Variants in SERAC1 observed in about 807,000 individuals in gnomAD.
SERAC1 encodes the protein protein SERAC1.
A neutral mutation model predicts 85.7 loss-of-function variants in SERAC1; 36 were observed. That is an observed-to-expected ratio of 0.42 (90% CI 0.32 to 0.55). The LOEUF (loss-of-function observed/expected upper bound fraction) is 0.55, where lower values mean the gene tolerates loss of function less well. Ranked by LOEUF, SERAC1 falls within the 20% of genes least tolerant of loss-of-function variation. The pLI, the probability that SERAC1 is intolerant of heterozygous loss-of-function variation, is 0.11. For missense variants in SERAC1, 629 were observed against 796.2 expected, an observed-to-expected ratio of 0.79 and a Z score of 2.53; for synonymous variants, 242 against 265.3, an observed-to-expected ratio of 0.91 and a Z score of 0.85.
At chr6:158,164,301 C>A (rs1228961399) in intron 1 of SERAC1, among the ~76,000 whole-genome samples, 2 of 151,762 alleles carry the variant, frequency 1.3e-5, no homozygotes, top group Admixed American at 6.6e-5. Flanking sequence ...CGGTGAAACC[C>A]CATCTCTACT....
At position 158,144,473 on chromosome 6, in the gene SERAC1, A is replaced by ATAAAGATTAACTG. The variant is rs533649635; in HGVS notation, c.488-66_488-54dup. 2,811 of 1,498,482 alleles carry ATAAAGATTAACTG rather than the reference A, an allele frequency of 1.9e-3. 73 individuals carry two copies. In the Admixed American group the frequency reaches 0.044, roughly 23 times the overall value. 92.8% of individuals were successfully genotyped at this position (1,498,482 alleles called of 1,614,324 possible). On this transcript the variant is annotated intron_variant, in intron 6 of 16. Coordinates refer to ENST00000647468, the MANE Select transcript of SERAC1 (RefSeq NM_032861.4). ...ATACCAAAACTAGCTGACAGATGTC[A>ATAAAGATTAACTG]TAAAGATTAACTGAACAAACAACTT...
Position 158,118,897 on chromosome 6 carries a change from A to C in SERAC1, c.1308+132T>G, listed in dbSNP as rs550453975. 8 of 1,088,950 alleles carry C rather than the reference A, an allele frequency of 7.3e-6. No individual in the cohort carries two copies. The South Asian group carries it at 1.4e-4, about 20-fold the overall frequency. 67.5% of individuals were successfully genotyped at this position (1,088,950 alleles called of 1,614,324 possible). A position where few individuals can be genotyped will look rare whatever the true frequency, so the allele number is the denominator to read the frequency against. On this transcript the variant is annotated intron_variant, in intron 12 of 16. Transcript: ENST00000647468. ...CCCAGTTGTTGTCAAAACATACTACAAATCTCCCTAAGGGAAAGAAGAACT... is the reference window on the plus strand; with the variant it reads ...CCCAGTTGTTGTCAAAACATACTACCAATCTCCCTAAGGGAAAGAAGAACT...
chr6:158,111,171 C>G lies in SERAC1; in HGVS notation c.*195G>C. ...AAGGGGCCCAATCCAGCCCTTCCTTCTGTGCCTGCCACTTCCGGGTTGGTG... is the reference window on the plus strand; with the variant it reads ...AAGGGGCCCAATCCAGCCCTTCCTTGTGTGCCTGCCACTTCCGGGTTGGTG... On this transcript the variant is annotated 3_prime_UTR_variant, in exon 17 of 17. Transcript: ENST00000647468. 1 of 433,026 alleles carries G rather than the reference C, an allele frequency of 2.3e-6. No individual in the cohort carries two copies. Among genetic ancestry groups the G allele is most frequent in the South Asian group, 5.2e-5 (1 of 19,288 alleles). The allele number at this position is 433,026 out of a possible 1,614,324, so 26.8% of individuals were successfully genotyped here. A position where few individuals can be genotyped will look rare whatever the true frequency, so the allele number is the denominator to read the frequency against.
chr6:158,154,137 G>A (rs540440761), intron 3 of SERAC1, among the ~76,000 whole-genome samples: 8 of 130,700 alleles, frequency 6.1e-5, no homozygotes, highest in Non-Finnish European at 1.1e-4. Context: ...TCTAGCCTGG[G>A]TGACAGAGGA....
Position 158,116,108 on chromosome 6 carries a change from A to AAAAT in SERAC1, c.1501+73_1501+76dup. The stretch of plus-strand genomic sequence containing the variant: ...CCGCTATTAAGTAAAATGGAAAGAT[A>AAAAT]AAATAACTTTAGGTTGGCCACAGTG... On this transcript the variant is annotated intron_variant, in intron 14 of 16. Transcript: ENST00000647468. 4.2e-6 allele frequency: 5 copies of AAAAT among 1,188,900 alleles called. No individual in the cohort carries two copies. In the Admixed American group the frequency reaches 5.3e-5, roughly 13 times the overall value. The allele number at this position is 1,188,900 out of a possible 1,614,324, so 73.6% of individuals were successfully genotyped here.
At chr6:158,163,219 A>T (rs1785524468) in intron 1 of SERAC1, among the ~76,000 whole-genome samples, 1 of 152,292 alleles carries the variant, frequency 6.6e-6, no homozygotes, top group African/African-American at 2.4e-5. Context: ...AGCAATAATA[A>T]ATGTTTGTTT....
intron 16 of SERAC1, chr6:158,113,159 A>C: frequency 2.5e-6 from 1 of 403,624 alleles, no homozygotes; most frequent in East Asian, 3.5e-5. Flanking sequence ...TAGCTGATAG[A>C]AGAGCTTTCT....
rs1784316602 is a variant in SERAC1, at chr6:158,117,452, AC to A, written c.1403+274del. ...ACTTTTACTTCTGATAGAAAAGGAG[AC>A]TGCTAGACAATCCACGATCCTTCAC... On this transcript the variant is annotated intron_variant, in intron 13 of 16. Coordinates refer to ENST00000647468, the MANE Select transcript of SERAC1 (RefSeq NM_032861.4). The surrounding 1 kb of genome is among the most constrained non-coding windows in gnomAD (Gnocchi z 4.3). 7.0e-7 allele frequency: 1 copy of A among 1,435,682 alleles called. No individual in the cohort carries two copies. The highest frequency in any genetic ancestry group is 9.4e-7 in the Non-Finnish European group (1 of 1,064,308). The allele number at this position is 1,435,682 out of a possible 1,614,324, so 88.9% of individuals were successfully genotyped here.
intron 7 of SERAC1, 121 bp from the exon 8 acceptor site, chr6:158,143,305 G>GTC (rs753181670): frequency 9.2e-4 from 560 of 606,088 alleles, no homozygotes; most frequent in South Asian, 1.7e-3. Context: ...ATGTGTGCAT[G>GTC]TCTCTCTCTC....
At chr6:158,146,338 T>C (rs1785054156) in intron 6 of SERAC1, 1 of 153,424 alleles carries the variant, frequency 6.5e-6, no homozygotes, top group South Asian at 2.0e-4. Context: ...AAATACTTTC[T>C]ATATATACTA....
At chr6:158,145,121 G>T (rs1043219088) in intron 6 of SERAC1, 6 of 152,306 alleles carry the variant, frequency 3.9e-5, no homozygotes, top group African/African-American at 9.6e-5. Flanking sequence ...GCAGGCACCT[G>T]TAACCCCAGC....
intron 6 of SERAC1, among the ~76,000 whole-genome samples, chr6:158,145,647 T>G (rs1785037982): frequency 6.6e-6 from 1 of 151,534 alleles, no homozygotes; most frequent in South Asian, 2.1e-4. Flanking sequence ...GCCTCCCAAG[T>G]AGCTGAGATT....
In SERAC1 at chr6:158,117,679, C is replaced by T. The variant is rs374444908; in HGVS notation, c.1403+48G>A. On this transcript the variant is annotated intron_variant, in intron 13 of 16. Coordinates refer to ENST00000647468, the MANE Select transcript of SERAC1 (RefSeq NM_032861.4). The surrounding 1 kb of genome is among the most constrained non-coding windows in gnomAD (Gnocchi z 4.3). ...TCCCATCCAAGAGGACCTAAACTTGCGGCCTGAATTCTTCCCTGTCCTCCT... is the reference window on the plus strand; with the variant it reads ...TCCCATCCAAGAGGACCTAAACTTGTGGCCTGAATTCTTCCCTGTCCTCCT... 65 of 1,610,326 alleles carry T rather than the reference C, an allele frequency of 4.0e-5. No homozygotes were observed. The highest frequency in any genetic ancestry group is 1.1e-4 in the African/African-American group (8 of 74,928).
At chr6:158,150,247 T>A (rs892806246) in intron 4 of SERAC1, among the ~76,000 whole-genome samples, 1 of 152,214 alleles carries the variant, frequency 6.6e-6, no homozygotes, top group Non-Finnish European at 1.5e-5. Context: ...TCACTTAATT[T>A]TAGGAGAGTT....
chr6:158,152,641 C>T (rs1785234061), intron 3 of SERAC1: 1 of 152,340 alleles, frequency 6.6e-6, no homozygotes, highest in Non-Finnish European at 1.5e-5. Context: ...GTAAGCTCCA[C>T]TCATGGTAAG....
intron 12 of SERAC1, among the ~76,000 whole-genome samples, chr6:158,118,254 T>C (rs1234068199): frequency 6.6e-6 from 1 of 152,196 alleles, no homozygotes; most frequent in African/African-American, 2.4e-5. Flanking sequence ...TCATCATCTC[T>C]GTACTTCAGT....
intron 3 of SERAC1, among the ~76,000 whole-genome samples, chr6:158,152,516 C>T (rs560992186): frequency 4.7e-5 from 7 of 149,408 alleles, no homozygotes; most frequent in South Asian, 2.1e-4. Flanking sequence ...ACTCCATCTC[C>T]GAAAAAAAAA....
At chr6:158,124,559 G>T (rs1331177077) in intron 10 of SERAC1, among the ~76,000 whole-genome samples, 1 of 152,128 alleles carries the variant, frequency 6.6e-6, no homozygotes, top group East Asian at 1.9e-4. Flanking sequence ...TCTCAGTTCA[G>T]TGGAGCTCAA....
chr6:158,167,159 A>T (rs180818673), intron 1 of SERAC1, among the ~76,000 whole-genome samples: 85 of 148,746 alleles, frequency 5.7e-4, no homozygotes, highest in African/African-American at 1.5e-3. Flanking sequence ...GATTTGAGGG[A>T]TAGAAAGAGG....
Sources: allele counts gnomAD v4.1 joint callset (sites outside exome capture counted in the v4.1 genomes callset), GRCh38; gene constraint gnomAD v4.1.1; non-coding constraint Gnocchi (gnomAD v3.1); transcripts MANE v1.5; gene names NCBI Gene and HGNC (gene_info 2026-07-23, HGNC 2026-07-21).